The following ADGRV1 variants were observed in gnomAD, a reference collection of about 807,000 sequenced individuals.
The protein encoded by ADGRV1 is G-protein coupled receptor 98.
In ADGRV1, 359 loss-of-function variants were observed where a neutral mutation model predicts 596.2. That is an observed-to-expected ratio of 0.60 (90% CI 0.55 to 0.66). The LOEUF (loss-of-function observed/expected upper bound fraction) is 0.66. Among genes scored for constraint, ADGRV1 ranks in the 30% least tolerant of loss-of-function variants. The pLI is 0.00. For synonymous variants in ADGRV1, 2,681 were observed against 2,679.2 expected, an observed-to-expected ratio of 1.00 and a Z score of -0.02; for missense variants, 7,274 against 7,575.6, an observed-to-expected ratio of 0.96 and a Z score of 1.48.
Position 91,072,452 on chromosome 5 carries a change from T to G in ADGRV1, c.18158T>G (p.Phe6053Cys). The change falls in exon 86 of 90, where the codon TTT becomes TGT. Residue 6053 changes from phenylalanine (F) to cysteine (C), a missense_variant. Physicochemically the swap from Phe to Cys is radical, Grantham distance 205. Around this residue, in one of 5 missense-constraint regions of ADGRV1, gnomAD observed 1,874 missense variants for 1,970.2 expected, o/e 0.95. Transcript: ENST00000405460. Reference protein sequence around the residue: ...IYGLIHGDLCFIPNVYAALFT... With the variant: ...IYGLIHGDLCCIPNVYAALFT... The stretch of plus-strand genomic sequence containing the variant: ...TCTTCTCATTTCTCTTCCAGGTGTT[T>G]TATTCCAAACGTCTATGCTGCTTTG... 6.2e-7 allele frequency: 1 copy of G among 1,613,642 alleles called. No homozygotes were observed. Among genetic ancestry groups the G allele is most frequent in the East Asian group, 2.2e-5 (1 of 44,876 alleles).
intron 85 of ADGRV1, among the ~76,000 whole-genome samples, chr5:90,996,551 T>C (rs746638416): frequency 6.6e-6 from 1 of 152,190 alleles, no homozygotes; most frequent in Non-Finnish European, 1.5e-5. Flanking sequence ...GGAGAACCTT[T>C]ACTAGGGCAG....
chr5:90,904,904 AT>A (rs58582655), intron 83 of ADGRV1, among the ~76,000 whole-genome samples: 30,703 of 151,680 alleles, frequency 0.2, 5,027 homozygotes, highest in African/African-American at 0.44. Flanking sequence ...TTTTGATTTG[AT>A]TTTTTTTATA....
intron 1 of ADGRV1, among the ~76,000 whole-genome samples, chr5:90,560,216 T>C (rs1395269190): frequency 6.6e-6 from 1 of 152,160 alleles, no homozygotes; most frequent in Non-Finnish European, 1.5e-5. Flanking sequence ...AAGGTTTATT[T>C]CAGCTAAAAA....
intron 83 of ADGRV1, among the ~76,000 whole-genome samples, chr5:90,961,248 C>T (rs1777981145): frequency 6.6e-6 from 1 of 152,100 alleles, no homozygotes; most frequent in South Asian, 2.1e-4. Context: ...CGCCTGTAAT[C>T]CCAGCACTTT....
intron 13 of ADGRV1, among the ~76,000 whole-genome samples, 181 bp downstream of exon 13, chr5:90,643,222 A>G (rs924301610): frequency 6.6e-6 from 1 of 152,168 alleles, no homozygotes; most frequent in Admixed American, 6.6e-5. Flanking sequence ...ACTCATTCAT[A>G]TTAGAATGGT....
chr5:90,681,137 A>G, intron 26 of ADGRV1, among the ~76,000 whole-genome samples, 178 bp from the exon 27 acceptor site: 1 of 152,270 alleles, frequency 6.6e-6, no homozygotes, highest in Non-Finnish European at 1.5e-5. Flanking sequence ...GAGAAAGGTC[A>G]TAAAAGCATG....
At chr5:90,684,258 T>A in intron 28 of ADGRV1, 63 bp downstream of exon 28, 1 of 1,380,524 alleles carries the variant, frequency 7.2e-7, no homozygotes, top group Non-Finnish European at 9.6e-7. Context: ...CAATCAGTTT[T>A]AAATTTTATT....
In ADGRV1 at chr5:90,681,423, C is replaced by G. The variant is rs1490072873; in HGVS notation, c.5633C>G (p.Pro1878Arg). The G allele has an allele frequency of 6.2e-7, 1 of 1,613,666 alleles. No individual in the cohort carries two copies. The highest frequency in any genetic ancestry group is 1.3e-5 in the African/African-American group (1 of 74,922). The change falls in exon 27 of 90, where the codon CCA (proline) becomes CGA (arginine). Residue 1878 changes from proline (P) to arginine (R), a missense_variant. By Grantham distance (103) the Pro-to-Arg change is moderately radical. This residue lies in a region of ADGRV1 where 3,643 missense variants were observed against 3,809.2 expected (regional missense o/e 0.96). Transcript: ENST00000405460. ...PESLFVSGTE[P>R]EDGYSTVTLN... ...TCACTCTTTGTCAGTGGAACTGAAC[C>G]AGAAGATGGGTATAGCACTGTTACA...
chr5:90,790,689 G>A (rs954551842), intron 69 of ADGRV1, among the ~76,000 whole-genome samples, 184 bp from the exon 70 acceptor site: 1 of 152,082 alleles, frequency 6.6e-6, no homozygotes, highest in African/African-American at 2.4e-5. Context: ...CCTGCAAATA[G>A]CATTCAACAG....
intron 83 of ADGRV1, among the ~76,000 whole-genome samples, chr5:90,914,880 CAA>C: frequency 6.6e-6 from 1 of 152,290 alleles, no homozygotes; most frequent in South Asian, 2.1e-4. Context: ...TCTTAAAAGA[CAA>C]ATTCTCTAAG....
intron 83 of ADGRV1, among the ~76,000 whole-genome samples, chr5:90,902,456 A>G (rs1160597590): frequency 6.6e-6 from 1 of 152,136 alleles, no homozygotes; most frequent in Non-Finnish European, 1.5e-5. Context: ...ACCAAGTTAC[A>G]TATGTTGCCT....
At chr5:90,922,526 C>T (rs1001073522) in intron 83 of ADGRV1, among the ~76,000 whole-genome samples, 7 of 152,230 alleles carry the variant, frequency 4.6e-5, no homozygotes, top group East Asian at 1.9e-4. Context: ...TCTTTATTTT[C>T]GGAGTCTCCT....
chr5:90,748,545 C>T lies in ADGRV1; in HGVS notation c.10975-2006C>T, dbSNP rs573337729. Among the ~76,000 whole-genome samples, 3 of 152,272 alleles carry T rather than the reference C, an allele frequency of 2.0e-5. No individual in the cohort carries two copies. The East Asian group carries it at 5.8e-4, about 29-fold the overall frequency. On this transcript the variant is annotated intron_variant, in intron 52 of 89. Transcript: ENST00000405460. Reference sequence around the variant, plus strand: ...CTACATTTCAACTGGTCAATAGCCACATGTGGCCAGTGGCTACTGTGAAGG... The same window carrying T: ...CTACATTTCAACTGGTCAATAGCCATATGTGGCCAGTGGCTACTGTGAAGG...
In ADGRV1 at chr5:90,853,373, G is replaced by C; in HGVS notation, c.17294G>C (p.Gly5765Ala). Residue 5765 changes from glycine (G) to alanine (A), a missense_variant, in exon 80 of 90, where the codon GGA becomes GCA. Gly to Ala is a moderately conservative substitution (Grantham distance 60, BLOSUM62 0). This residue lies in a region of ADGRV1 where 1,874 missense variants were observed against 1,970.2 expected (regional missense o/e 0.95). Transcript: ENST00000405460. ...CAAATCAATGGACACAAGTTTGAAG[G>C]AAAGGAAGGAGATTACATTCGAATT... ...PQQINGHKFE[G>A]KEGDYIRIPE... is the part of the protein sequence containing the mutation. The C allele has an allele frequency of 6.2e-7, 1 of 1,613,566 alleles. No individual in the cohort carries two copies. Among genetic ancestry groups the C allele is most frequent in the East Asian group, 2.2e-5 (1 of 44,852 alleles).
At position 90,668,100 on chromosome 5, in the gene ADGRV1, G is replaced by GAGGC. The variant is rs1232839898; in HGVS notation, c.4753-4437_4753-4434dup. Reference sequence around the variant, plus strand: ...CCTGCCCCCAGAGGTGGAGCCTACAGAGGCAGGCAGGCCTCCTTGAGCTGT... The same window carrying GAGGC: ...CCTGCCCCCAGAGGTGGAGCCTACAGAGGCAGGCAGGCAGGCCTCCTTGAGCTGT... On this transcript the variant is annotated intron_variant, in intron 21 of 89. Coordinates refer to ENST00000405460, the MANE Select transcript of ADGRV1 (RefSeq NM_032119.4). Among the ~76,000 whole-genome samples the GAGGC allele has an allele frequency of 1.3e-4, 20 of 152,060 alleles. No homozygotes were observed. The South Asian group carries it at 2.1e-3, about 16-fold the overall frequency.
chr5:90,628,576 C>T lies in ADGRV1; in HGVS notation c.1253C>T (p.Thr418Ile). 6.2e-7 allele frequency: 1 copy of T among 1,613,456 alleles called. No homozygotes were observed. ...AAACATTTAAGATATGAAGAAATCA[C>T]AGTGGTTAGAAATGGAGGAACCCAT... ...EDRISRYEEI[T>I]VVRNGGTHGN... Residue 418 changes from threonine to isoleucine, a missense_variant, in exon 8 of 90, where the codon ACA becomes ATA. By Grantham distance (89) the Thr-to-Ile change is moderately conservative. Around this residue, in one of 5 missense-constraint regions of ADGRV1, gnomAD observed 1,715 missense variants for 1,708.8 expected, o/e 1.00. Coordinates refer to ENST00000405460, the MANE Select transcript of ADGRV1 (RefSeq NM_032119.4).
At chr5:90,909,900 A>G (rs946641886) in intron 83 of ADGRV1, among the ~76,000 whole-genome samples, 4 of 152,236 alleles carry the variant, frequency 2.6e-5, no homozygotes, top group African/African-American at 9.6e-5. Flanking sequence ...TTTAAAATAT[A>G]AAATAAATTA....
At chr5:91,147,601 A>C (rs1398278655) in intron 87 of ADGRV1, among the ~76,000 whole-genome samples, 1 of 152,198 alleles carries the variant, frequency 6.6e-6, no homozygotes, top group Non-Finnish European at 1.5e-5. Flanking sequence ...GCCTTCTGCC[A>C]TAATTGTAAG....
chr5:91,133,315 G>A (rs1309948287), intron 87 of ADGRV1, among the ~76,000 whole-genome samples: 1 of 152,128 alleles, frequency 6.6e-6, no homozygotes, highest in Non-Finnish European at 1.5e-5. Flanking sequence ...GAGAGAGAAG[G>A]GGTCACCCTA....
Sources: gnomAD v4.1 joint callset for allele counts (sites outside exome capture counted in the v4.1 genomes callset) on GRCh38, gnomAD v4.1.1 for gene constraint, gnomAD v4.1.1 regional missense constraint, MANE v1.5 for transcripts, NCBI Gene and HGNC (gene_info 2026-07-23, HGNC 2026-07-21) for gene names.